The following BIN1 variants were observed in gnomAD, a reference collection of about 807,000 sequenced individuals.
BIN1 encodes the protein myc box-dependent-interacting protein 1.
A neutral mutation model predicts 82.0 loss-of-function variants in BIN1; 53 were observed. The ratio of observed to expected loss-of-function variants is 0.65; its 90% CI spans 0.52 to 0.81. The LOEUF (loss-of-function observed/expected upper bound fraction) is 0.81, where lower values mean the gene tolerates loss of function less well. Among genes scored for constraint, BIN1 ranks in the 40% least tolerant of loss-of-function variants. The probability of loss-of-function intolerance (pLI) is 0.00; values close to 1 mark genes in which losing one functional copy is unlikely to be tolerated. For synonymous variants in BIN1, 302 were observed against 328.0 expected (o/e 0.92, Z 0.86); for missense variants, 642 against 784.4 (o/e 0.82, Z 2.17).
intron 10 of BIN1, among the ~76,000 whole-genome samples, chr2:127,061,766 G>A (rs781023582): frequency 2.0e-5 from 3 of 152,216 alleles, no homozygotes; most frequent in East Asian, 3.9e-4. Context: ...TGCACACCCC[G>A]GAGTCTTTCA....
At position 127,070,640 on chromosome 2, in the gene BIN1, G is replaced by A. The variant is rs754621895; in HGVS notation, c.228C>T (p.His76=). 1.9e-5 allele frequency: 31 copies of A among 1,613,888 alleles called. No homozygotes were observed. Among genetic ancestry groups the A allele is most frequent in the Middle Eastern group, 1.6e-4 (1 of 6,084 alleles). Residue 76 remains histidine, a synonymous_variant, in exon 4 of 19, where the codon CAC becomes CAT. Coordinates refer to ENST00000316724, the MANE Select transcript of BIN1 (RefSeq NM_139343.3). ...RTYLASVKAM[H]EASKKLNECL... ...ACTCATTCAGCTTCTTGGAAGCCTCGTGCATGGCTGTGGGGCAGAAAGGAA... is the reference window on the plus strand; with the variant it reads ...ACTCATTCAGCTTCTTGGAAGCCTCATGCATGGCTGTGGGGCAGAAAGGAA...
In BIN1 at chr2:127,070,751, C is replaced by T. The variant is rs1159661670; in HGVS notation, c.220+11G>A. 3 of 1,613,952 alleles carry T rather than the reference C, an allele frequency of 1.9e-6. No homozygotes were observed. The South Asian group carries it at 3.3e-5, about 18-fold the overall frequency. On this transcript the variant is annotated intron_variant, in intron 3 of 18. Transcript: ENST00000316724. Reference sequence around the variant, plus strand: ...TCTACACGGGCCAGGTGCGCTCTGCCTGCCTCCTACCTTTGACGGAGGCCA... The same window carrying T: ...TCTACACGGGCCAGGTGCGCTCTGCTTGCCTCCTACCTTTGACGGAGGCCA...
At chr2:127,080,935 C>T (rs1186768491) in intron 1 of BIN1, among the ~76,000 whole-genome samples, 1 of 152,252 alleles carries the variant, frequency 6.6e-6, no homozygotes, top group East Asian at 1.9e-4. Context: ...TGAGTTGACG[C>T]CATGCCTCCG....
At chr2:127,103,874 G>T (rs1463044408) in intron 1 of BIN1, among the ~76,000 whole-genome samples, 1 of 152,248 alleles carries the variant, frequency 6.6e-6, no homozygotes, top group Non-Finnish European at 1.5e-5. Flanking sequence ...ACCTCACGGC[G>T]CCCACAGGCT....
At chr2:127,087,917 G>A (rs1160631300) in intron 1 of BIN1, among the ~76,000 whole-genome samples, 9 of 152,142 alleles carry the variant, frequency 5.9e-5, no homozygotes, top group Non-Finnish European at 1.2e-4. Context: ...AGAACCAGGT[G>A]TCCACCAGCA....
intron 1 of BIN1, among the ~76,000 whole-genome samples, chr2:127,096,689 T>G (rs187432997): frequency 2.3e-4 from 35 of 152,206 alleles, no homozygotes; most frequent in Non-Finnish European, 4.4e-4. Context: ...ATTAGACAGC[T>G]CATACCACTT....
intron 13 of BIN1, 174 bp from the exon 14 acceptor site, chr2:127,053,619 A>G (rs967768131): frequency 9.2e-6 from 8 of 869,650 alleles, no homozygotes; most frequent in Middle Eastern, 6.2e-4. Context: ...AGCTCCCGAC[A>G]CCTCTCAGGG....
At chr2:127,079,280 C>T (rs1334409180) in intron 1 of BIN1, among the ~76,000 whole-genome samples, 1 of 152,234 alleles carries the variant, frequency 6.6e-6, no homozygotes, top group East Asian at 1.9e-4. Context: ...ACTCTCTGAG[C>T]CTCAATCTAC....
At chr2:127,061,081 C>T (rs1684398058) in intron 10 of BIN1, among the ~76,000 whole-genome samples, 1 of 152,206 alleles carries the variant, frequency 6.6e-6, no homozygotes, top group African/African-American at 2.4e-5. Flanking sequence ...CTGGCCAGGA[C>T]GGCCCCACTT....
Position 127,070,832 on chromosome 2 carries a change from C to A in BIN1, c.166-16G>T. The A allele has an allele frequency of 6.2e-7, 1 of 1,610,086 alleles. No homozygotes were observed. Among genetic ancestry groups the A allele is most frequent in the Non-Finnish European group, 8.5e-7 (1 of 1,179,134 alleles). On this transcript the variant is annotated splice_polypyrimidine_tract_variant and intron_variant, in intron 2 of 18. Coordinates refer to ENST00000316724, the MANE Select transcript of BIN1 (RefSeq NM_139343.3). ...TGCCCTCCGTCTGCAAAGAGAAGGA[C>A]AAGGACCAGGTCAGGGACTGGTGGC...
chr2:127,072,615 A>G (rs527442209), intron 2 of BIN1, among the ~76,000 whole-genome samples: 240 of 97,150 alleles, frequency 2.5e-3, no homozygotes, highest in Middle Eastern at 0.018. Flanking sequence ...TAAAGAGAGC[A>G]TGTGTGAAAA....
In BIN1 at chr2:127,051,173, G is replaced by A. The variant is rs140410496; in HGVS notation, c.1442C>T (p.Ala481Val). The part of the protein sequence containing the change: ...AAGAQEPGET[A>V]ASEAASSSLP... ...TCTTACGGAGGCTGCTTCACTTGCC[G>A]CCGTCTCCCCTGGCTCCTGGGCTCC... is the stretch of plus-strand genomic sequence containing the variant. The change falls in exon 16 of 19, where the codon GCG (alanine) becomes GTG (valine). Residue 481 changes from alanine to valine, a missense_variant. Physicochemically the swap from Ala to Val is moderately conservative, Grantham distance 64. Coordinates refer to ENST00000316724, the MANE Select transcript of BIN1 (RefSeq NM_139343.3). 117 of 1,613,404 alleles carry A rather than the reference G, an allele frequency of 7.3e-5. No individual in the cohort carries two copies. The highest frequency in any genetic ancestry group is 1.6e-4 in the Middle Eastern group (1 of 6,072).
intron 15 of BIN1, 121 bp from the exon 16 acceptor site, chr2:127,051,364 C>T (rs1682928365): frequency 9.8e-7 from 1 of 1,015,948 alleles, no homozygotes; most frequent in Admixed American, 2.0e-5. Context: ...TGGCTGGCAG[C>T]AGGGTCTAGA....
At position 127,057,803 on chromosome 2, in the gene BIN1, G is replaced by T. The variant is rs114416941; in HGVS notation, c.1003-202C>A. On this transcript the variant is annotated intron_variant, in intron 11 of 18. Coordinates refer to ENST00000316724, the MANE Select transcript of BIN1 (RefSeq NM_139343.3). This position sits in a 1 kb window ranked among gnomAD's most constrained non-coding sequence, Gnocchi z 5.0. Reference sequence around the variant, plus strand: ...GACACCAAGACCCCAGGCCACCCCCGAGAGGGACACTGAGGCAGGCGGTCC... The same window carrying T: ...GACACCAAGACCCCAGGCCACCCCCTAGAGGGACACTGAGGCAGGCGGTCC... Among the ~76,000 whole-genome samples, 27 of 151,966 alleles carry T rather than the reference G, an allele frequency of 1.8e-4. 1 individual carries two copies. Among genetic ancestry groups the T allele is most frequent in the South Asian group, 1.3e-3 (6 of 4,768 alleles).
chr2:127,071,468 G>A (rs1329728212), intron 2 of BIN1, among the ~76,000 whole-genome samples: 1 of 152,204 alleles, frequency 6.6e-6, no homozygotes, highest in East Asian at 1.9e-4. Context: ...AGGGGACAGT[G>A]GGCTGGGTGG....
chr2:127,075,590 T>C (rs1358695717), intron 2 of BIN1, among the ~76,000 whole-genome samples: 2 of 152,214 alleles, frequency 1.3e-5, no homozygotes, highest in South Asian at 2.1e-4. Flanking sequence ...CAGGGAAGCC[T>C]GTCAGGCTGA....
intron 1 of BIN1, among the ~76,000 whole-genome samples, chr2:127,103,162 C>T (rs1313606244): frequency 1.3e-5 from 2 of 152,164 alleles, no homozygotes; most frequent in Non-Finnish European, 2.9e-5. Flanking sequence ...GTGGCTGGGC[C>T]TGCCTATGCC....
intron 1 of BIN1, among the ~76,000 whole-genome samples, chr2:127,085,893 C>T (rs917513305): frequency 2.6e-5 from 4 of 152,198 alleles, no homozygotes; most frequent in African/African-American, 9.7e-5. Flanking sequence ...AACCTGCCCT[C>T]CCTCGAGGGA....
intron 1 of BIN1, among the ~76,000 whole-genome samples, chr2:127,088,822 T>C (rs1002171097): frequency 6.6e-6 from 1 of 150,562 alleles, no homozygotes; most frequent in African/African-American, 2.4e-5. Context: ...CTCAGGGAAG[T>C]GACAGCTGAG....
Sources: gnomAD v4.1 joint callset for allele counts (sites outside exome capture counted in the v4.1 genomes callset) on GRCh38, gnomAD v4.1.1 for gene constraint, Gnocchi (gnomAD v3.1) non-coding constraint, MANE v1.5 for transcripts, NCBI Gene and HGNC (gene_info 2026-07-23, HGNC 2026-07-21) for gene names.